PNPT1: variants seen among roughly 807,000 people sequenced by gnomAD.
The protein encoded by PNPT1 is polyribonucleotide nucleotidyltransferase 1, mitochondrial.
In PNPT1, 53 loss-of-function variants were observed where a neutral mutation model predicts 119.5. The observed-to-expected ratio is 0.44, with a 90% confidence interval of 0.36 to 0.56. The LOEUF (loss-of-function observed/expected upper bound fraction) is 0.56. PNPT1 is among the 20% of genes least tolerant of loss of function. The pLI, the probability that PNPT1 is intolerant of heterozygous loss-of-function variation, is 0.00. For synonymous variants in PNPT1, 357 were observed against 322.1 expected, an observed-to-expected ratio of 1.11 and a Z score of -1.16; for missense variants, 948 against 938.5, an observed-to-expected ratio of 1.01 and a Z score of -0.13.
At chr2:55,681,748 G>A (rs1330425212) in intron 5 of PNPT1, among the ~76,000 whole-genome samples, 1 of 151,878 alleles carries the variant, frequency 6.6e-6, no homozygotes, top group Non-Finnish European at 1.5e-5. Context: ...GGGAGGCTGA[G>A]GCAGGAGAAT....
At position 55,686,836 on chromosome 2, in the gene PNPT1, G is replaced by A. The variant is rs1280937357; in HGVS notation, c.223-392C>T. On this transcript the variant is annotated intron_variant, in intron 2 of 27. Coordinates refer to ENST00000447944, the MANE Select transcript of PNPT1 (RefSeq NM_033109.5). ...CCCAAGTTTGGAAAGGATGTTAAAC[G>A]TCACTTAATACGGCTGGGCACGGTC... Among the ~76,000 whole-genome samples the A allele has an allele frequency of 2.0e-5, 3 of 152,146 alleles. No individual in the cohort carries two copies. In the East Asian group the frequency reaches 5.8e-4, roughly 29 times the overall value.
At chr2:55,663,471 G>T (rs1246731398) in intron 13 of PNPT1, among the ~76,000 whole-genome samples, 5 of 152,148 alleles carry the variant, frequency 3.3e-5, no homozygotes, top group African/African-American at 1.2e-4. Context: ...AATAATCGAT[G>T]AAAATTCTCA....
chr2:55,672,363 G>A lies in PNPT1; in HGVS notation c.867-317C>T, dbSNP rs1664797210. 2.6e-5 allele frequency among the ~76,000 whole-genome samples: 4 copies of A among 151,938 alleles called. No individual in the cohort carries two copies. In the South Asian group the frequency reaches 8.3e-4, roughly 32 times the overall value. On this transcript the variant is annotated intron_variant, in intron 9 of 27. Coordinates refer to ENST00000447944, the MANE Select transcript of PNPT1 (RefSeq NM_033109.5). ...TTCCTTTCTTCATTCTACCCATTTT[G>A]GCTCCATTATCACATGAAACTCTTT... is the stretch of plus-strand genomic sequence containing the variant.
At chr2:55,646,514 A>G in intron 19 of PNPT1, 28 bp from the exon 20 acceptor site, 1 of 1,559,466 alleles carries the variant, frequency 6.4e-7, no homozygotes, top group Non-Finnish European at 8.7e-7. Flanking sequence ...GTTATGACAT[A>G]GTTTTAAACA....
At chr2:55,681,690 CA>C (rs1697253114) in intron 5 of PNPT1, among the ~76,000 whole-genome samples, 1 of 151,566 alleles carries the variant, frequency 6.6e-6, no homozygotes, top group Non-Finnish European at 1.5e-5. Flanking sequence ...ACTAAAAATA[CA>C]AAAATTAGCC....
chr2:55,687,631 T>C lies in PNPT1; in HGVS notation c.222+14A>G. 6.4e-7 allele frequency: 1 copy of C among 1,558,494 alleles called. No homozygotes were observed. The highest frequency in any genetic ancestry group is 8.7e-7 in the Non-Finnish European group (1 of 1,155,778). The stretch of plus-strand genomic sequence containing the variant: ...CCATTTTTAAGATGAATTTTAAAAA[T>C]CTGGACTTTTTACCTGTACTACAGC... On this transcript the variant is annotated intron_variant, in intron 2 of 27. Coordinates refer to ENST00000447944, the MANE Select transcript of PNPT1 (RefSeq NM_033109.5).
intron 1 of PNPT1, among the ~76,000 whole-genome samples, chr2:55,689,909 C>A (rs755690632): frequency 6.6e-5 from 10 of 152,160 alleles, no homozygotes; most frequent in Admixed American, 1.3e-4. Flanking sequence ...TCAGCCTTGA[C>A]CTCCCAGGCT....
At chr2:55,678,032 T>C (rs1047253919) in intron 8 of PNPT1, among the ~76,000 whole-genome samples, 5 of 152,314 alleles carry the variant, frequency 3.3e-5, no homozygotes, top group African/African-American at 1.2e-4. Flanking sequence ...TGAGCCACTA[T>C]GCCCGGCCAT....
At chr2:55,684,255 G>A (rs978757005) in intron 4 of PNPT1, among the ~76,000 whole-genome samples, 25 of 152,204 alleles carry the variant, frequency 1.6e-4, no homozygotes, top group African/African-American at 6.0e-4. Context: ...CACTTGGGAG[G>A]CTGAGGCGGG....
Position 55,691,878 on chromosome 2 carries a change from A to ATAT in PNPT1, c.161+1784_161+1785insATA, listed in dbSNP as rs1326804958. Among the ~76,000 whole-genome samples the ATAT allele has an allele frequency of 3.9e-4, 13 of 33,118 alleles. No individual in the cohort carries two copies. The East Asian group carries it at 6.4e-3, about 16-fold the overall frequency. 21.7% of individuals were successfully genotyped at this position (33,118 alleles called of 152,430 possible). A position where few individuals can be genotyped will look rare whatever the true frequency, so the allele number is the denominator to read the frequency against. On this transcript the variant is annotated intron_variant, in intron 1 of 27. Transcript: ENST00000447944. ...TATATATATATATATATATATATAT[A>ATAT]TTTTTTTTTTTTTTTTTTTTTTTTG...
chr2:55,670,939 G>A (rs556188595), intron 11 of PNPT1, among the ~76,000 whole-genome samples: 5 of 150,900 alleles, frequency 3.3e-5, no homozygotes, highest in South Asian at 4.2e-4. Flanking sequence ...AGCAATGAGA[G>A]TAACATTTAT....
Position 55,647,330 on chromosome 2 carries a change from A to AC in PNPT1, c.1602+16dup. On this transcript the variant is annotated intron_variant, in intron 19 of 27. Coordinates refer to ENST00000447944, the MANE Select transcript of PNPT1 (RefSeq NM_033109.5). ...TAGTCTTCATTATTAAATATTTGAA[A>AC]CCGAGAATATACTTGCCAAAATATC... The AC allele has an allele frequency of 1.9e-6, 3 of 1,545,794 alleles. No individual in the cohort carries two copies. Among genetic ancestry groups the AC allele is most frequent in the Non-Finnish European group, 1.8e-6 (2 of 1,139,294 alleles).
At chr2:55,649,386 C>A (rs986263658) in intron 18 of PNPT1, among the ~76,000 whole-genome samples, 1 of 152,242 alleles carries the variant, frequency 6.6e-6, no homozygotes, top group African/African-American at 2.4e-5. Flanking sequence ...CTAAGACACT[C>A]ATGCCAGAAT....
chr2:55,640,665 C>A lies in PNPT1; in HGVS notation c.2110G>T (p.Ala704Ser). Residue 704 changes from alanine (A) to serine (S), a missense_variant, in exon 26 of 28, where the codon GCG becomes TCG. Ala to Ser is a moderately conservative substitution (Grantham distance 99). Transcript: ENST00000447944. ...VMVKLYPNMTAVLLHNTQLDQ... is the reference protein window; with the variant it reads ...VMVKLYPNMTSVLLHNTQLDQ... ...AGTTGTGTGTTATGAAGCAGTACCG[C>A]AGTCATATTTGGATATAATTTTACC... 1 of 1,593,794 alleles carries A rather than the reference C, an allele frequency of 6.3e-7. No individual in the cohort carries two copies. The highest frequency in any genetic ancestry group is 1.1e-5 in the South Asian group (1 of 90,568).
At chr2:55,667,323 G>T (rs779861905) in intron 12 of PNPT1, among the ~76,000 whole-genome samples, 2 of 152,144 alleles carry the variant, frequency 1.3e-5, no homozygotes, top group Non-Finnish European at 2.9e-5. Context: ...GGCCGGGCGC[G>T]GTGGCTCATG....
chr2:55,650,938 G>A (rs1184846707), intron 18 of PNPT1, among the ~76,000 whole-genome samples: 3 of 150,684 alleles, frequency 2.0e-5, no homozygotes, highest in African/African-American at 7.3e-5. Context: ...CCGTCCGGGA[G>A]GGAGGTGGGG....
chr2:55,641,107 C>G (rs569582004), intron 25 of PNPT1, among the ~76,000 whole-genome samples: 1 of 151,858 alleles, frequency 6.6e-6, no homozygotes, highest in East Asian at 1.9e-4. Context: ...ACCTGTAATC[C>G]CAGCTACTCA....
At chr2:55,691,877 TA>T (rs1460334472) in intron 1 of PNPT1, among the ~76,000 whole-genome samples, 425 of 12,036 alleles carry the variant, frequency 0.035, 8 homozygotes, top group East Asian at 0.12. Flanking sequence ...TATATATATA[TA>T]TTTTTTTTTT....
intron 13 of PNPT1, 76 bp from the exon 14 acceptor site, chr2:55,662,102 C>A: frequency 8.0e-7 from 1 of 1,249,182 alleles, no homozygotes; most frequent in Non-Finnish European, 1.1e-6. Context: ...TTGAAGAATC[C>A]AACTAACTCT....
Sources: allele counts gnomAD v4.1 joint callset (sites outside exome capture counted in the v4.1 genomes callset), GRCh38; gene constraint gnomAD v4.1.1; transcripts MANE v1.5; gene names NCBI Gene and HGNC (gene_info 2026-07-23, HGNC 2026-07-21).